PTCH1: variants seen among roughly 807,000 people sequenced by gnomAD.
The protein encoded by PTCH1 is protein patched homolog 1.
In PTCH1, 14 loss-of-function variants were observed where a neutral mutation model predicts 144.6. The observed-to-expected ratio is 0.10, with a 90% CI of 0.06 to 0.15. The LOEUF (loss-of-function observed/expected upper bound fraction) is 0.15, where lower values mean the gene tolerates loss of function less well. Among genes scored for constraint, PTCH1 ranks in the 10% least tolerant of loss-of-function variants. PTCH1 has a pLI of 1.00. For missense variants in PTCH1, 1,623 were observed against 1,948.3 expected (o/e 0.83, Z 3.14); for synonymous variants, 833 against 793.6 (o/e 1.05, Z -0.83).
chr9:95,446,640 A>C (rs1206396977), intron 23 of PTCH1: 1 of 569,500 alleles, frequency 1.8e-6, no homozygotes, highest in East Asian at 3.0e-5. Flanking sequence ...TATTGGTAAA[A>C]GGTGGTGCTG....
intron 2 of PTCH1, among the ~76,000 whole-genome samples, chr9:95,504,162 T>A (rs937461698): frequency 1.3e-5 from 2 of 149,160 alleles, no homozygotes; most frequent in African/African-American, 2.4e-5. Context: ...GTATTAGTAC[T>A]GAGTAAATAA....
At chr9:95,482,805 C>G (rs1771247072) in intron 3 of PTCH1, 1 of 159,656 alleles carries the variant, frequency 6.3e-6, no homozygotes, top group African/African-American at 2.4e-5. Context: ...GGTGCTGCAG[C>G]TCACGCCTGT....
chr9:95,464,073 G>A (rs1839783453), intron 15 of PTCH1, among the ~76,000 whole-genome samples: 1 of 152,206 alleles, frequency 6.6e-6, no homozygotes, highest in African/African-American at 2.4e-5. Context: ...GGTCAGCCTT[G>A]CTGGAAACTC....
chr9:95,448,182 A>T (rs1420598119), intron 22 of PTCH1, among the ~76,000 whole-genome samples: 1 of 152,190 alleles, frequency 6.6e-6, no homozygotes, highest in Non-Finnish European at 1.5e-5. Flanking sequence ...ACCTATTTTT[A>T]GGCTCCTGCT....
At chr9:95,514,242 C>T (rs1010869328), upstream of PTCH1, 1 of 152,258 alleles carries the variant, frequency 6.6e-6, no homozygotes, top group Admixed American at 6.5e-5. Context: ...TTCTTACCCA[C>T]ATTGCTTTCC....
At chr9:95,474,207 A>G (rs1840837777) in intron 12 of PTCH1, 2 of 336,554 alleles carry the variant, frequency 5.9e-6, no homozygotes, top group Non-Finnish European at 1.2e-5. Context: ...GCAGATACAG[A>G]AAGACAGTGA....
At chr9:95,490,920 T>C (rs1842353538) in intron 2 of PTCH1, among the ~76,000 whole-genome samples, 1 of 152,194 alleles carries the variant, frequency 6.6e-6, no homozygotes, top group African/African-American at 2.4e-5. Flanking sequence ...GTGATGGACA[T>C]TCCAATTACC....
At chr9:95,501,009 G>A (rs1052718432) in intron 2 of PTCH1, among the ~76,000 whole-genome samples, 1 of 152,108 alleles carries the variant, frequency 6.6e-6, no homozygotes, top group Non-Finnish European at 1.5e-5. Flanking sequence ...ATAGTTATCT[G>A]GGTCTATAAA....
intron 20 of PTCH1, chr9:95,453,232 G>A (rs1440635508): frequency 1.7e-5 from 8 of 482,698 alleles, no homozygotes; most frequent in East Asian, 4.3e-5. Flanking sequence ...TCCCGGGTTC[G>A]AGCAATTCTC....
intron 13 of PTCH1, 103 bp from the exon 14 acceptor site, chr9:95,469,256 G>A (rs1484238059): frequency 3.4e-6 from 5 of 1,458,120 alleles, no homozygotes; most frequent in Admixed American, 3.6e-5. Context: ...ATTTTACACA[G>A]CTCTGACTTA....
chr9:95,497,642 T>C (rs143881721), intron 2 of PTCH1, among the ~76,000 whole-genome samples: 1 of 152,282 alleles, frequency 6.6e-6, no homozygotes, highest in African/African-American at 2.4e-5. Flanking sequence ...AACTTAAAGA[T>C]GCTGCTGTGA....
intron 17 of PTCH1, among the ~76,000 whole-genome samples, chr9:95,459,007 C>A (rs879804112): frequency 5.9e-5 from 9 of 152,236 alleles, no homozygotes; most frequent in Non-Finnish European, 8.8e-5. Flanking sequence ...CTCACATCCT[C>A]CCTTGGCCCG....
At chr9:95,460,411 G>C (rs1839359325) in intron 16 of PTCH1, among the ~76,000 whole-genome samples, 1 of 152,162 alleles carries the variant, frequency 6.6e-6, no homozygotes, top group African/African-American at 2.4e-5. Flanking sequence ...CTCGGCAGGA[G>C]GGCTTGTGGG....
intron 2 of PTCH1, among the ~76,000 whole-genome samples, chr9:95,495,836 C>A (rs1412469098): frequency 6.6e-6 from 1 of 152,112 alleles, no homozygotes; most frequent in Admixed American, 6.5e-5. Context: ...ATTTTTTCCT[C>A]CCAGGGAATC....
rs371810515 is a variant in PTCH1 at position 95,456,446 on chromosome 9, G to A, written c.3169-33C>T. The A allele has an allele frequency of 3.5e-4, 561 of 1,611,024 alleles. No homozygotes were observed. The highest frequency in any genetic ancestry group is 1.1e-3 in the South Asian group (97 of 90,782). ...AGGGCACACAGTGGTCAGTGGGCGG[G>A]CAGGTCACCCTCTGGGGCTGCCCAC... On this transcript the variant is annotated intron_variant, in intron 18 of 23. Coordinates refer to ENST00000331920, the MANE Select transcript of PTCH1 (RefSeq NM_000264.5).
At chr9:95,456,565 C>T (rs1838948012) in intron 18 of PTCH1, 152 bp from the exon 19 acceptor site, 3 of 1,104,024 alleles carry the variant, frequency 2.7e-6, no homozygotes, top group Admixed American at 2.2e-5. Context: ...CCTTTACTGC[C>T]TAATTCATCT....
intron 3 of PTCH1, among the ~76,000 whole-genome samples, chr9:95,485,430 G>A (rs369305690): frequency 1.3e-5 from 2 of 152,106 alleles, no homozygotes; most frequent in East Asian, 1.9e-4. Context: ...GTGGCTCAGC[G>A]TCATCCTCTT....
intron 18 of PTCH1, among the ~76,000 whole-genome samples, chr9:95,457,707 A>T (rs1361710560): frequency 6.6e-6 from 1 of 152,160 alleles, no homozygotes; most frequent in Non-Finnish European, 1.5e-5. Context: ...TTAAAGAAAA[A>T]ATGAGCTAGG....
intron 8 of PTCH1, among the ~76,000 whole-genome samples, chr9:95,478,774 C>G (rs1478724939): frequency 6.6e-6 from 1 of 152,140 alleles, no homozygotes; most frequent in Non-Finnish European, 1.5e-5. Context: ...GAATTCACAA[C>G]TGGTTACTAA....
Sources: allele counts gnomAD v4.1 joint callset (sites outside exome capture counted in the v4.1 genomes callset), GRCh38; gene constraint gnomAD v4.1.1; transcripts MANE v1.5; gene names NCBI Gene and HGNC (gene_info 2026-07-23, HGNC 2026-07-21).